FOXN3: variants seen among roughly 807,000 people sequenced by gnomAD.
The protein encoded by FOXN3 is forkhead box N3.
In FOXN3, 7 loss-of-function variants were observed where a neutral mutation model predicts 38.4. The ratio of observed to expected loss-of-function variants is 0.18; its 90% CI spans 0.10 to 0.34. The LOEUF (loss-of-function observed/expected upper bound fraction) is 0.34. Among genes scored for constraint, FOXN3 ranks in the 10% least tolerant of loss-of-function variants. FOXN3 has a pLI of 1.00. For synonymous variants in FOXN3, 230 were observed against 242.2 expected (o/e 0.95, Z 0.47); for missense variants, 456 against 613.4 (o/e 0.74, Z 2.71).
chr14:89,611,655 A>AAT (rs1174608458), intron 1 of FOXN3, among the ~76,000 whole-genome samples: 2 of 152,042 alleles, frequency 1.3e-5, no homozygotes, highest in Admixed American at 6.5e-5. Context: ...AAATACAAAA[A>AAT]ATTAGCCGGG....
chr14:89,258,277 A>G (rs576308375), intron 4 of FOXN3, among the ~76,000 whole-genome samples: 1 of 152,214 alleles, frequency 6.6e-6, no homozygotes, highest in Non-Finnish European at 1.5e-5. Context: ...CATGTTCTAT[A>G]TTATTTCAAC....
chr14:89,170,823 T>C (rs1244120129), intron 5 of FOXN3, among the ~76,000 whole-genome samples: 1 of 152,154 alleles, frequency 6.6e-6, no homozygotes, highest in East Asian at 1.9e-4. Context: ...AAAATACTTA[T>C]ACCTTAACAA....
At chr14:89,561,393 G>A (rs1266532419) in intron 1 of FOXN3, among the ~76,000 whole-genome samples, 1 of 152,108 alleles carries the variant, frequency 6.6e-6, no homozygotes, top group Non-Finnish European at 1.5e-5. Flanking sequence ...TTTGTATTTA[G>A]TAGAGACAGG....
At chr14:89,474,596 C>A (rs888760738) in intron 1 of FOXN3, among the ~76,000 whole-genome samples, 5 of 152,120 alleles carry the variant, frequency 3.3e-5, no homozygotes, top group African/African-American at 4.8e-5. Context: ...GATAAGCTAA[C>A]AATTTGCGGC....
intron 4 of FOXN3, among the ~76,000 whole-genome samples, chr14:89,252,244 C>T (rs1414835746): frequency 6.6e-6 from 1 of 152,222 alleles, no homozygotes; most frequent in Non-Finnish European, 1.5e-5. Context: ...ATTATTAATA[C>T]TTTTAATATG....
intron 4 of FOXN3, among the ~76,000 whole-genome samples, chr14:89,189,068 G>A (rs1887880123): frequency 6.6e-6 from 1 of 152,096 alleles, no homozygotes; most frequent in African/African-American, 2.4e-5. Flanking sequence ...ACAGGTAATG[G>A]CAGCTCCAGG....
Position 89,468,466 on chromosome 14 carries a change from C to CACACACAT in FOXN3, c.-14-55977_-14-55976insATGTGTGT, listed in dbSNP as rs57773010. Reference sequence around the variant, plus strand: ...AAGGCTGTGTCTCAAAACACACACACACACACACATACACACACACACACT... The same window carrying CACACACAT: ...AAGGCTGTGTCTCAAAACACACACACACACACATACACACACATACACACACACACACT... On this transcript the variant is annotated intron_variant, in intron 1 of 6. Coordinates refer to the FOXN3 transcript ENST00000345097. 6.1e-3 allele frequency among the ~76,000 whole-genome samples: 932 copies of CACACACAT among 151,942 alleles called. 11 individuals are homozygous for CACACACAT. The highest frequency in any genetic ancestry group is 0.021 in the African/African-American group (858 of 41,408).
intron 1 of FOXN3, among the ~76,000 whole-genome samples, chr14:89,497,884 C>G (rs2139783818): frequency 6.6e-6 from 1 of 152,000 alleles, no homozygotes; most frequent in Non-Finnish European, 1.5e-5. Flanking sequence ...ATTTTCTCCA[C>G]ATCTTCACCA....
rs1596158352 is a variant in FOXN3, at chr14:89,290,500, T to A, written c.681-9486A>T. ...AACTTCTTACAGTTTTCCACTGGAATGGAGTTTACTTTCCCTTTCATCGGG... is the reference window on the plus strand; with the variant it reads ...AACTTCTTACAGTTTTCCACTGGAAAGGAGTTTACTTTCCCTTTCATCGGG... On this transcript the variant is annotated intron_variant, in intron 3 of 5. Coordinates refer to ENST00000557258, the MANE Select transcript of FOXN3 (RefSeq NM_005197.4). 8.2e-6 allele frequency: 4 copies of A among 490,514 alleles called. No individual in the cohort carries two copies. The East Asian group carries it at 2.2e-4, about 27-fold the overall frequency. The allele number at this position is 490,514 out of a possible 1,614,324, so 30.4% of individuals were successfully genotyped here.
chr14:89,329,633 G>A (rs1888179806), intron 3 of FOXN3, among the ~76,000 whole-genome samples: 2 of 151,976 alleles, frequency 1.3e-5, no homozygotes, highest in Admixed American at 6.5e-5. Context: ...CGAGGCGGGC[G>A]GATCACAAGG....
intron 4 of FOXN3, among the ~76,000 whole-genome samples, chr14:89,259,087 G>T (rs565068056): frequency 6.6e-6 from 1 of 152,280 alleles, no homozygotes; most frequent in Admixed American, 6.5e-5. Flanking sequence ...ATTCTGGGCC[G>T]GACCTCAGAC....
chr14:89,340,759 CA>C (rs1236279690), intron 3 of FOXN3, among the ~76,000 whole-genome samples: 2 of 151,730 alleles, frequency 1.3e-5, no homozygotes, highest in Non-Finnish European at 2.9e-5. Context: ...TTCTGCTTGG[CA>C]AAACACTGCC....
At position 89,523,253 on chromosome 14, in the gene FOXN3, G is replaced by A. The variant is rs892322353; in HGVS notation, c.-15+95775C>T. On this transcript the variant is annotated intron_variant, in intron 1 of 6. Transcript: ENST00000345097. ...AACATCGAGGAAAAACAGACAAATC[G>A]ATAATTATAGACTGAGATTTCAGCA... 5.9e-5 allele frequency among the ~76,000 whole-genome samples: 9 copies of A among 152,224 alleles called. No individual in the cohort carries two copies. The South Asian group carries it at 8.3e-4, about 14-fold the overall frequency.
intron 4 of FOXN3, among the ~76,000 whole-genome samples, chr14:89,182,937 C>G (rs924047703): frequency 6.6e-6 from 1 of 152,134 alleles, no homozygotes; most frequent in Admixed American, 6.5e-5. Flanking sequence ...GAGCCTTACA[C>G]CTCATACCAC....
chr14:89,461,042 G>T (rs571470280), intron 1 of FOXN3, among the ~76,000 whole-genome samples: 16 of 136,384 alleles, frequency 1.2e-4, no homozygotes, highest in South Asian at 4.8e-4. Context: ...AAAAAAAGGG[G>T]GGGGGAGGGG....
At chr14:89,377,515 CTT>C (rs1315036622) in intron 2 of FOXN3, among the ~76,000 whole-genome samples, 2 of 151,928 alleles carry the variant, frequency 1.3e-5, no homozygotes, top group Non-Finnish European at 2.9e-5. Flanking sequence ...ATGCCTAAAA[CTT>C]TGTTTTCATC....
At chr14:89,576,104 AG>A (rs1447613945) in intron 1 of FOXN3, 1 of 152,224 alleles carries the variant, frequency 6.6e-6, no homozygotes, top group Non-Finnish European at 1.5e-5. Context: ...CACCCATCTT[AG>A]GCAATTCTGG....
rs1390224221 is a variant in FOXN3, at chr14:89,363,984, ATATAAT to A, written c.544-13182_544-13177del. On this transcript the variant is annotated intron_variant, in intron 2 of 5. Transcript: ENST00000557258. The stretch of plus-strand genomic sequence containing the variant: ...TATATATATATATATATATATATAT[ATATAAT>A]ATATATATATATTCTTCCATATCAA... Among the ~76,000 whole-genome samples, 548 of 93,252 alleles carry A rather than the reference ATATAAT, an allele frequency of 5.9e-3. 5 individuals carry two copies. The highest frequency in any genetic ancestry group is 0.025 in the African/African-American group (489 of 19,800). The allele number at this position is 93,252 out of a possible 152,430, so 61.2% of individuals were successfully genotyped here.
chr14:89,348,098 G>A (rs1444306299), intron 3 of FOXN3, among the ~76,000 whole-genome samples: 1 of 151,992 alleles, frequency 6.6e-6, no homozygotes, highest in African/African-American at 2.4e-5. Context: ...GCTCAGTTCA[G>A]AGTGACATTT....
Sources: allele counts gnomAD v4.1 joint callset (sites outside exome capture counted in the v4.1 genomes callset), GRCh38; gene constraint gnomAD v4.1.1; transcripts MANE v1.5; gene names NCBI Gene and HGNC (gene_info 2026-07-23, HGNC 2026-07-21).